TGFB2: variants seen among roughly 807,000 people sequenced by gnomAD.
TGFB2 encodes transforming growth factor beta-2 proprotein.
A neutral mutation model predicts 42.7 loss-of-function variants in TGFB2; 13 were observed. That is an observed-to-expected ratio of 0.30 (90% CI 0.20 to 0.48). The LOEUF is 0.48. Ranked by LOEUF, TGFB2 falls within the 20% of genes least tolerant of loss-of-function variation. The probability of loss-of-function intolerance (pLI) is 0.99; values close to 1 mark genes in which losing one functional copy is unlikely to be tolerated. For synonymous variants in TGFB2, 193 were observed against 193.6 expected, an observed-to-expected ratio of 1.00 and a Z score of 0.03; for missense variants, 390 against 517.5, an observed-to-expected ratio of 0.75 and a Z score of 2.39.
rs549464949 is a variant in TGFB2 at position 218,410,939 on chromosome 1, TG to T, written c.510+5609del. On this transcript the variant is annotated intron_variant, in intron 2 of 6. Coordinates refer to ENST00000366930, the MANE Select transcript of TGFB2 (RefSeq NM_003238.6). ...ATATGGGCAAGAACACCTGCTGTCTTGGAGTTGGATAAATCCCCATTTTACA... is the reference window on the plus strand; with the variant it reads ...ATATGGGCAAGAACACCTGCTGTCTTGAGTTGGATAAATCCCCATTTTACA... Among the ~76,000 whole-genome samples the T allele has an allele frequency of 7.2e-5, 11 of 152,344 alleles. No individual in the cohort carries two copies. In the East Asian group the frequency reaches 1.7e-3, roughly 24 times the overall value.
intron 1 of TGFB2, among the ~76,000 whole-genome samples, chr1:218,362,006 G>A (rs1486352806): frequency 2.0e-5 from 3 of 152,196 alleles, no homozygotes; most frequent in Non-Finnish European, 4.4e-5. Flanking sequence ...CAGTTAAAGA[G>A]TGTTCCGCCT....
chr1:218,425,421 A>G (rs1269885510), intron 2 of TGFB2, among the ~76,000 whole-genome samples: 1 of 151,932 alleles, frequency 6.6e-6, no homozygotes, highest in Non-Finnish European at 1.5e-5. Context: ...GTTAGCCAGG[A>G]TGGTCTTGAT....
At chr1:218,374,476 C>T (rs534151160) in intron 1 of TGFB2, among the ~76,000 whole-genome samples, 1 of 152,312 alleles carries the variant, frequency 6.6e-6, no homozygotes, top group East Asian at 1.9e-4. Context: ...CCCAGTTTCT[C>T]CACGGGGCCC....
At chr1:218,364,584 T>C (rs141293063) in intron 1 of TGFB2, among the ~76,000 whole-genome samples, 115 of 152,294 alleles carry the variant, frequency 7.6e-4, no homozygotes, top group African/African-American at 2.7e-3. Context: ...TGATTCTAAG[T>C]GTGGGTGGAG....
intron 2 of TGFB2, among the ~76,000 whole-genome samples, chr1:218,418,057 G>T (rs1375124742): frequency 1.3e-5 from 2 of 152,210 alleles, no homozygotes; most frequent in African/African-American, 4.8e-5. Flanking sequence ...TTCTACTGGG[G>T]CACCACCTAG....
At chr1:218,370,751 G>A (rs1657545288) in intron 1 of TGFB2, among the ~76,000 whole-genome samples, 1 of 152,176 alleles carries the variant, frequency 6.6e-6, no homozygotes, top group African/African-American at 2.4e-5. Context: ...GGCTTAGGGA[G>A]CAGCCCCTAA....
At chr1:218,407,980 C>CA (rs1452887793) in intron 2 of TGFB2, among the ~76,000 whole-genome samples, 3 of 152,074 alleles carry the variant, frequency 2.0e-5, no homozygotes, top group East Asian at 3.8e-4. Flanking sequence ...AACAAACAAA[C>CA]AAAAAACATG....
At chr1:218,374,681 T>A (rs1015520040) in intron 1 of TGFB2, among the ~76,000 whole-genome samples, 1 of 152,238 alleles carries the variant, frequency 6.6e-6, no homozygotes, top group African/African-American at 2.4e-5. Context: ...GAAAAAGTTC[T>A]GTTGTCCCCA....
At chr1:218,379,257 T>A (rs933794425) in intron 1 of TGFB2, among the ~76,000 whole-genome samples, 3 of 151,384 alleles carry the variant, frequency 2.0e-5, no homozygotes, top group Admixed American at 6.6e-5. Context: ...CTCAGCCTCC[T>A]GAGTAGCTGG....
rs1361844252 is a variant in TGFB2 at position 218,415,694 on chromosome 1, CAAAAGAA to C, written c.510+10367_510+10373del. Among the ~76,000 whole-genome samples the C allele has an allele frequency of 1.3e-3, 53 of 40,146 alleles. 2 individuals are homozygous for C. Among genetic ancestry groups the C allele is most frequent in the African/African-American group, 5.9e-3 (53 of 8,908 alleles). 26.3% of individuals were successfully genotyped at this position (40,146 alleles called of 152,430 possible). On this transcript the variant is annotated intron_variant, in intron 2 of 6. Transcript: ENST00000366930. ...TGGGCGACAGAGCGAGACTCTGTCTCAAAAGAAAAAAAAAAAAAAAAAAAAAAAAAGT... is the reference window on the plus strand; with the variant it reads ...TGGGCGACAGAGCGAGACTCTGTCTCAAAAAAAAAAAAAAAAAAAAAAAGT...
rs115002538 is a variant in TGFB2 at position 218,401,465 on chromosome 1, G to A, written c.347-3704G>A. On this transcript the variant is annotated intron_variant, in intron 1 of 6. Transcript: ENST00000366930. Reference sequence around the variant, plus strand: ...TTTTCCCCGGGAGGAAGGCCCATGAGAAAGCCTGGGAGGAGGACCAGAATC... The same window carrying A: ...TTTTCCCCGGGAGGAAGGCCCATGAAAAAGCCTGGGAGGAGGACCAGAATC... 9.0e-3 allele frequency among the ~76,000 whole-genome samples: 1,370 copies of A among 152,278 alleles called. 21 individuals are homozygous for A. The highest frequency in any genetic ancestry group is 0.028 in the African/African-American group (1,170 of 41,550).
rs770283888 is a variant in TGFB2, at chr1:218,346,966, T to C, written c.265T>C (p.Cys89Arg). The change falls in exon 1 of 7, where the codon TGC becomes CGC. Residue 89 changes from cysteine to arginine, a missense_variant. Transcript: ENST00000366930. This position sits in a 1 kb window ranked among gnomAD's most constrained non-coding sequence, Gnocchi z 4.9. ...QEKASRRAAACERERSDEEYY... is the reference protein window; with the variant it reads ...QEKASRRAAARERERSDEEYY... The stretch of plus-strand genomic sequence containing the variant: ...GAAGGCGAGCCGGAGGGCGGCCGCC[T>C]GCGAGCGCGAGAGGAGCGACGAAGA... The C allele has an allele frequency of 6.2e-7, 1 of 1,613,946 alleles. No individual in the cohort carries two copies. The highest frequency in any genetic ancestry group is 1.7e-5 in the Admixed American group (1 of 59,994).
intron 1 of TGFB2, among the ~76,000 whole-genome samples, chr1:218,385,945 C>T (rs930754124): frequency 1.3e-5 from 2 of 152,158 alleles, no homozygotes; most frequent in African/African-American, 4.8e-5. Flanking sequence ...GAGAGACTCC[C>T]ATGGTTGCAT....
Position 218,437,400 on chromosome 1 carries a change from A to G in TGFB2, c.990A>G (p.Leu330=). 4 of 1,612,328 alleles carry G rather than the reference A, an allele frequency of 2.5e-6. No individual in the cohort carries two copies. The highest frequency in any genetic ancestry group is 2.2e-5 in the East Asian group (1 of 44,828). The part of the protein sequence containing the change: ...RPLYIDFKRD[L]GWKWIHEPKG... The stretch of plus-strand genomic sequence containing the variant: ...TTTACATTGATTTCAAGAGGGATCT[A>G]GGGTGGAAATGGATACACGAACCCA... Residue 330 remains leucine (L), a synonymous_variant, in exon 6 of 7, where the codon CTA becomes CTG. Transcript: ENST00000366930.
chr1:218,418,326 C>T (rs1659345819), intron 2 of TGFB2, among the ~76,000 whole-genome samples: 1 of 152,202 alleles, frequency 6.6e-6, no homozygotes, highest in South Asian at 2.1e-4. Flanking sequence ...TTTTACTGCC[C>T]TGCTGGATTT....
intron 2 of TGFB2, among the ~76,000 whole-genome samples, chr1:218,421,168 T>A (rs1430650134): frequency 1.3e-5 from 2 of 152,198 alleles, no homozygotes; most frequent in African/African-American, 4.8e-5. Flanking sequence ...TACCCAGTTC[T>A]GATTCTCTAT....
At chr1:218,367,792 A>AT (rs74586035) in intron 1 of TGFB2, among the ~76,000 whole-genome samples, 2 of 151,820 alleles carry the variant, frequency 1.3e-5, no homozygotes, top group Admixed American at 1.3e-4. Context: ...GAGGACGTTC[A>AT]TTTTTTTTCT....
At chr1:218,395,386 G>A (rs1658469705) in intron 1 of TGFB2, among the ~76,000 whole-genome samples, 1 of 152,152 alleles carries the variant, frequency 6.6e-6, no homozygotes, top group Non-Finnish European at 1.5e-5. Context: ...AGTGGAGGAG[G>A]AGCTGCTGCC....
intron 1 of TGFB2, among the ~76,000 whole-genome samples, chr1:218,394,298 C>G (rs557616675): frequency 3.9e-5 from 6 of 152,226 alleles, no homozygotes; most frequent in Admixed American, 2.0e-4. Flanking sequence ...ACACAAACTG[C>G]CTGCACAACC....
Sources: gnomAD v4.1 joint callset for allele counts (sites outside exome capture counted in the v4.1 genomes callset) on GRCh38, gnomAD v4.1.1 for gene constraint, Gnocchi (gnomAD v3.1) non-coding constraint, MANE v1.5 for transcripts, NCBI Gene and HGNC (gene_info 2026-07-23, HGNC 2026-07-21) for gene names.